WDR64: variants seen among roughly 807,000 people sequenced by gnomAD.
WDR64 encodes the protein WD repeat domain 64.
In WDR64, 112 loss-of-function variants were observed where a neutral mutation model predicts 139.3. The ratio of observed to expected loss-of-function variants is 0.80; its 90% confidence interval spans 0.69 to 0.94. The LOEUF (loss-of-function observed/expected upper bound fraction) is 0.94. WDR64 is among the 40% of genes least tolerant of loss of function. The pLI, the probability that WDR64 is intolerant of heterozygous loss-of-function variation, is 0.00. For synonymous variants in WDR64, 444 were observed against 437.7 expected (o/e 1.01, Z -0.18); for missense variants, 1,206 against 1,293.1 (o/e 0.93, Z 1.03).
intron 8 of WDR64, among the ~76,000 whole-genome samples, chr1:241,706,624 AC>A (rs1374741043): frequency 6.6e-6 from 1 of 152,256 alleles, no homozygotes; most frequent in African/African-American, 2.4e-5. Context: ...ATAACTACTT[AC>A]AAAGTAGATT....
chr1:241,654,544 C>T (rs1665499137), intron 1 of WDR64, among the ~76,000 whole-genome samples: 1 of 152,192 alleles, frequency 6.6e-6, no homozygotes, highest in Admixed American at 6.5e-5. Context: ...TCACATCATT[C>T]TTATTTTTCC....
intron 10 of WDR64, among the ~76,000 whole-genome samples, chr1:241,737,640 A>G (rs770905327): frequency 5.3e-5 from 8 of 152,228 alleles, no homozygotes; most frequent in Non-Finnish European, 7.4e-5. Context: ...CAATAACACC[A>G]CTAACCTACT....
intron 9 of WDR64, among the ~76,000 whole-genome samples, chr1:241,722,989 G>A (rs1482060821): frequency 1.3e-5 from 2 of 152,090 alleles, no homozygotes; most frequent in Non-Finnish European, 2.9e-5. Flanking sequence ...AGTAAATAAA[G>A]TATAAATAAT....
chr1:241,788,063 G>A lies in WDR64; in HGVS notation c.2891+29G>A, dbSNP rs112648889. Reference sequence around the variant, plus strand: ...AGACCATTAGCTCTTCTTTAGATAAGCATACAAGAATCAAACTGTTGAGAT... The same window carrying A: ...AGACCATTAGCTCTTCTTTAGATAAACATACAAGAATCAAACTGTTGAGAT... On this transcript the variant is annotated intron_variant, in intron 24 of 27. Transcript: ENST00000437684. 3.2e-4 allele frequency: 489 copies of A among 1,533,172 alleles called. 2 individuals carry two copies. In the African/African-American group the frequency reaches 6.0e-3, roughly 19 times the overall value. 95.0% of individuals were successfully genotyped at this position (1,533,172 alleles called of 1,614,324 possible). A position where few individuals can be genotyped will look rare whatever the true frequency, so the allele number is the denominator to read the frequency against.
At chr1:241,748,706 G>A (rs541653133) in intron 13 of WDR64, among the ~76,000 whole-genome samples, 21 of 152,202 alleles carry the variant, frequency 1.4e-4, no homozygotes, top group African/African-American at 3.4e-4. Context: ...TTGGGAGGCC[G>A]AGGAGGGCAG....
rs200599665 is a variant in WDR64, at chr1:241,674,963, CTTCTTTT to C, written c.483+218_483+224del. Among the ~76,000 whole-genome samples the C allele has an allele frequency of 3.5e-3, 204 of 58,326 alleles. 1 individual carries two copies. Among genetic ancestry groups the C allele is most frequent in the African/African-American group, 4.2e-3 (61 of 14,422 alleles). The allele number at this position is 58,326 out of a possible 152,430, so 38.3% of individuals were successfully genotyped here. On this transcript the variant is annotated intron_variant, in intron 4 of 27. Transcript: ENST00000437684. ...TCCCTCCTTCCTTCCTCTCTCCTCCCTTCTTTTTCTTTCCTTCTTTCCTCCCTTTCTC... is the reference window on the plus strand; with the variant it reads ...TCCCTCCTTCCTTCCTCTCTCCTCCCTCTTTCCTTCTTTCCTCCCTTTCTC...
At chr1:241,796,728 A>C (rs1659379201) in intron 27 of WDR64, among the ~76,000 whole-genome samples, 2 of 152,188 alleles carry the variant, frequency 1.3e-5, no homozygotes, top group Admixed American at 6.5e-5. Context: ...TCCTGACCTC[A>C]GGTGATCCAC....
At chr1:241,689,834 A>G (rs1667146326) in intron 8 of WDR64, among the ~76,000 whole-genome samples, 1 of 152,196 alleles carries the variant, frequency 6.6e-6, no homozygotes, top group Admixed American at 6.5e-5. Context: ...TGATGGGCTC[A>G]TTAGTATACC....
intron 4 of WDR64, chr1:241,676,053 T>C (rs564817447): frequency 2.2e-4 from 33 of 152,350 alleles, no homozygotes; most frequent in Admixed American, 1.8e-3. Flanking sequence ...ATAATCATTA[T>C]GTGATTAAAA....
chr1:241,703,186 G>C lies in WDR64; in HGVS notation c.975-8616G>C, dbSNP rs150163107. On this transcript the variant is annotated intron_variant, in intron 8 of 27. Transcript: ENST00000437684. The surrounding 1 kb of genome is among the most constrained non-coding windows in gnomAD (Gnocchi z 5.9). ...CTCACCGTCACCGGGAGAAAATATC[G>C]AGGGACTCTGCTGACTCAGTAGCCC... is the stretch of plus-strand genomic sequence containing the variant. 6.4e-4 allele frequency among the ~76,000 whole-genome samples: 98 copies of C among 152,172 alleles called. 1 individual carries two copies. The highest frequency in any genetic ancestry group is 6.8e-3 in the Middle Eastern group (2 of 294).
rs773822534 is a variant in WDR64 at position 241,687,539 on chromosome 1, C to T, written c.918C>T (p.Ser306=). The T allele has an allele frequency of 7.4e-6, 12 of 1,613,608 alleles. No homozygotes were observed. The highest frequency in any genetic ancestry group is 1.0e-5 in the Non-Finnish European group (12 of 1,179,806). ...CCCTAAATTGTTTTGGATCCTGCTC[C>T]TTAGACAGTAATCATTCATTAGTTT... ...ISALNCFGSC[S]LDSNHSLVLE... is the part of the protein sequence containing the mutation. The change falls in exon 8 of 28, where the codon TCC becomes TCT. Residue 306 remains serine, a synonymous_variant. Transcript: ENST00000437684.
At chr1:241,688,410 A>G (rs1171596707) in intron 8 of WDR64, among the ~76,000 whole-genome samples, 1 of 152,170 alleles carries the variant, frequency 6.6e-6, no homozygotes, top group East Asian at 1.9e-4. Flanking sequence ...GTACGCTTAC[A>G]ATGAGTGAAT....
At chr1:241,660,213 A>C (rs917500286) in intron 1 of WDR64, among the ~76,000 whole-genome samples, 3 of 152,182 alleles carry the variant, frequency 2.0e-5, no homozygotes, top group Non-Finnish European at 4.4e-5. Context: ...GTAGAAAATC[A>C]GATCGTTGTA....
chr1:241,750,340 A>G (rs1180915046), intron 14 of WDR64, among the ~76,000 whole-genome samples: 1 of 152,170 alleles, frequency 6.6e-6, no homozygotes, highest in African/African-American at 2.4e-5. Flanking sequence ...TCAAGAACTC[A>G]TTGCCTTTAC....
At chr1:241,781,047 T>G in intron 22 of WDR64, among the ~76,000 whole-genome samples, 1 of 152,286 alleles carries the variant, frequency 6.6e-6, no homozygotes, top group Non-Finnish European at 1.5e-5. Context: ...GAACCATATA[T>G]AGGTGAAAAG....
At position 241,732,542 on chromosome 1, in the gene WDR64, G is replaced by A. The variant is rs2148221760; in HGVS notation, c.1195-5821G>A. ...CCCATCAAAAAACAGATACCTGGCT[G>A]GGCGCAGTGGCTCACACCTGTAATC... On this transcript the variant is annotated intron_variant, in intron 10 of 27. Transcript: ENST00000437684. Among the ~76,000 whole-genome samples, 2 of 152,266 alleles carry A rather than the reference G, an allele frequency of 1.3e-5. 1 individual carries two copies. Among genetic ancestry groups the A allele is most frequent in the Admixed American group, 1.3e-4 (2 of 15,292 alleles).
intron 8 of WDR64, among the ~76,000 whole-genome samples, chr1:241,689,743 G>A (rs1667142567): frequency 6.6e-6 from 1 of 152,160 alleles, no homozygotes; most frequent in African/African-American, 2.4e-5. Flanking sequence ...GAACAGACGG[G>A]CATTGTAAAC....
chr1:241,791,318 C>T (rs1659209204), intron 25 of WDR64, among the ~76,000 whole-genome samples: 1 of 152,026 alleles, frequency 6.6e-6, no homozygotes, highest in Non-Finnish European at 1.5e-5. Flanking sequence ...GAAATTTGTC[C>T]CCTCTCTGAC....
chr1:241,663,851 C>T (rs1386761714), intron 2 of WDR64, among the ~76,000 whole-genome samples: 1 of 152,248 alleles, frequency 6.6e-6, no homozygotes, highest in Non-Finnish European at 1.5e-5. Flanking sequence ...TGGACAGCAC[C>T]ACTCTGAAGA....
Sources: gnomAD v4.1 joint callset for allele counts (sites outside exome capture counted in the v4.1 genomes callset) on GRCh38, gnomAD v4.1.1 for gene constraint, Gnocchi (gnomAD v3.1) non-coding constraint, MANE v1.5 for transcripts, NCBI Gene and HGNC (gene_info 2026-07-23, HGNC 2026-07-21) for gene names.